DNAH7: variants seen among roughly 807,000 people sequenced by gnomAD.
DNAH7 encodes the protein axonemal beta dynein heavy chain 7.
DNAH7 carries 397 observed loss-of-function variants against 444.6 expected under a neutral mutation model. The ratio of observed to expected loss-of-function variants is 0.89; its 90% CI spans 0.82 to 0.97. DNAH7 has a LOEUF of 0.97. Among genes scored for constraint, DNAH7 ranks in the 50% least tolerant of loss-of-function variants. The pLI is 0.00. For synonymous variants in DNAH7, 1,636 were observed against 1,624.4 expected, an observed-to-expected ratio of 1.01 and a Z score of -0.17; for missense variants, 4,902 against 4,800.8, an observed-to-expected ratio of 1.02 and a Z score of -0.62.
At chr2:195,989,205 A>G (rs1318535942) in intron 12 of DNAH7, among the ~76,000 whole-genome samples, 2 of 152,206 alleles carry the variant, frequency 1.3e-5, no homozygotes, top group African/African-American at 2.4e-5. Flanking sequence ...TATATACCCA[A>G]TAGTGGGATT....
chr2:195,782,599 C>CA (rs374269351), intron 58 of DNAH7, among the ~76,000 whole-genome samples: 2,090 of 151,028 alleles, frequency 0.014, 45 homozygotes, highest in African/African-American at 0.047. Flanking sequence ...CATTTTTTTC[C>CA]AAAAAAAATC....
rs1469852055 is a variant in DNAH7, at chr2:195,957,954, A to T, written c.2892-507T>A. Reference sequence around the variant, plus strand: ...AAGGGTACTCTGAGCTTCTGAGGAAAGATAGTTACATCCAATACTCTTTTC... The same window carrying T: ...AAGGGTACTCTGAGCTTCTGAGGAATGATAGTTACATCCAATACTCTTTTC... On this transcript the variant is annotated intron_variant, in intron 18 of 64. Coordinates refer to ENST00000312428, the MANE Select transcript of DNAH7 (RefSeq NM_018897.3). 4.6e-5 allele frequency among the ~76,000 whole-genome samples: 7 copies of T among 152,280 alleles called. No individual in the cohort carries two copies. In the East Asian group the frequency reaches 1.4e-3, roughly 29 times the overall value.
chr2:195,797,580 G>A (rs548757474), intron 55 of DNAH7, among the ~76,000 whole-genome samples: 9 of 152,310 alleles, frequency 5.9e-5, no homozygotes, highest in Non-Finnish European at 8.8e-5. Context: ...TCAAGCTTGT[G>A]TTGACTAGGA....
In DNAH7 at chr2:195,873,634, T is replaced by A; in HGVS notation, c.6347A>T (p.Asn2116Ile). ...ATACATGGATTTATCACTAAACTCATTGATTGTTATAATATTGAAATGTCG... is the reference window on the plus strand; with the variant it reads ...ATACATGGATTTATCACTAAACTCAATGATTGTTATAATATTGAAATGTCG... ...YMRHFNIITI[N>I]EFSDKSMYTI... is the part of the protein sequence containing the mutation. Residue 2116 changes from asparagine to isoleucine, a missense_variant, in exon 39 of 65, where the codon AAT (asparagine) becomes ATT (isoleucine). Physicochemically the swap from Asn to Ile is moderately radical, Grantham distance 149. Transcript: ENST00000312428. The A allele has an allele frequency of 2.0e-6, 3 of 1,531,422 alleles. No homozygotes were observed. The highest frequency in any genetic ancestry group is 2.6e-6 in the Non-Finnish European group (3 of 1,142,224). The allele number at this position is 1,531,422 out of a possible 1,614,324, so 94.9% of individuals were successfully genotyped here. A position where few individuals can be genotyped will look rare whatever the true frequency, so the allele number is the denominator to read the frequency against.
chr2:196,013,113 C>CATAA (rs1694816395), intron 9 of DNAH7, among the ~76,000 whole-genome samples: 1 of 151,982 alleles, frequency 6.6e-6, no homozygotes. Flanking sequence ...CAACAAAATA[C>CATAA]ATAACTTCAC....
rs1198483864 is a variant in DNAH7, at chr2:195,864,801, T to G, written c.6854A>C (p.Glu2285Ala). 6 of 1,614,140 alleles carry G rather than the reference T, an allele frequency of 3.7e-6. No homozygotes were observed. Among genetic ancestry groups the G allele is most frequent in the Non-Finnish European group, 5.1e-6 (6 of 1,180,052 alleles). Residue 2285 changes from glutamate (E) to alanine (A), a missense_variant, in exon 41 of 65, where the codon GAA becomes GCA. Physicochemically the swap from Glu to Ala is moderately radical, Grantham distance 107. Transcript: ENST00000312428. The part of the protein sequence containing the change: ...DPKREDTNYR[E>A]IADVDNLRMI... Reference sequence around the variant, plus strand: ...TCGAAGATTATCCACATCTGCGATTTCTCTGTAGTTGGTATCCTCCCTCTT... The same window carrying G: ...TCGAAGATTATCCACATCTGCGATTGCTCTGTAGTTGGTATCCTCCCTCTT...
intron 21 of DNAH7, among the ~76,000 whole-genome samples, chr2:195,933,412 G>C (rs1421340093): frequency 6.6e-6 from 1 of 152,092 alleles, no homozygotes; most frequent in Non-Finnish European, 1.5e-5. Context: ...TATACCTAAA[G>C]GATTATAAAT....
chr2:196,028,147 T>A, intron 5 of DNAH7, 100 bp from the exon 6 acceptor site: 1 of 924,074 alleles, frequency 1.1e-6, no homozygotes, highest in Admixed American at 2.5e-5. Flanking sequence ...TATTAAATCA[T>A]AAGGAAAAAT....
chr2:195,988,458 G>A (rs959485226), intron 12 of DNAH7, among the ~76,000 whole-genome samples: 9 of 151,872 alleles, frequency 5.9e-5, no homozygotes, highest in African/African-American at 1.4e-4. Context: ...GTTGTGTTTC[G>A]TTTTTCTGTA....
Position 195,824,404 on chromosome 2 carries a change from C to A in DNAH7, c.9142G>T (p.Glu3048Ter). 1 of 1,610,974 alleles carries A rather than the reference C, an allele frequency of 6.2e-7. No homozygotes were observed. Among genetic ancestry groups the A allele is most frequent in the Non-Finnish European group, 8.5e-7 (1 of 1,178,340 alleles). Residue 3048 changes from glutamate to a stop codon, truncating the protein, a stop_gained, in exon 49 of 65, where the codon GAA (glutamate) becomes TAA (stop). Transcript: ENST00000312428. LOFTEE classifies it high-confidence loss of function. ...AAGGTTTGTTTTAGTAGAAGAGGTTCCAAAATAGGATCTAGTTCTTCGCCA... is the reference window on the plus strand; with the variant it reads ...AAGGTTTGTTTTAGTAGAAGAGGTTACAAAATAGGATCTAGTTCTTCGCCA... ...NVGEELDPIL[E>*]PLLLKQTFKQ...
At chr2:196,021,901 TGGATCACTTGA>T (rs1695405082) in intron 8 of DNAH7, among the ~76,000 whole-genome samples, 1 of 151,934 alleles carries the variant, frequency 6.6e-6, no homozygotes. Context: ...CTGAGGCAGG[TGGATCACTTGA>T]GGTCAAGAGT....
intron 58 of DNAH7, among the ~76,000 whole-genome samples, chr2:195,785,869 G>A (rs1254998493): frequency 6.6e-6 from 1 of 152,046 alleles, no homozygotes; most frequent in African/African-American, 2.4e-5. Flanking sequence ...TTTGAAAAGT[G>A]TAATTATAGC....
chr2:195,913,691 T>C (rs192755558), intron 24 of DNAH7, among the ~76,000 whole-genome samples: 1 of 150,398 alleles, frequency 6.6e-6, no homozygotes, highest in East Asian at 1.9e-4. Context: ...AAGATCTCCA[T>C]CCACATGTTT....
chr2:195,863,498 T>TC (rs1052331974), intron 41 of DNAH7, among the ~76,000 whole-genome samples: 1 of 152,312 alleles, frequency 6.6e-6, no homozygotes, highest in Admixed American at 6.5e-5. Flanking sequence ...GCTGCCTTTT[T>TC]CTGCTCTGCT....
chr2:195,917,168 A>C (rs1330409214), intron 24 of DNAH7, among the ~76,000 whole-genome samples: 1 of 151,094 alleles, frequency 6.6e-6, no homozygotes, highest in East Asian at 1.9e-4. Flanking sequence ...GTGAGATTCC[A>C]TCTCAAAAAA....
intron 21 of DNAH7, 121 bp downstream of exon 21, chr2:195,934,470 T>G (rs558822526): frequency 9.3e-7 from 1 of 1,070,606 alleles, no homozygotes; most frequent in East Asian, 2.4e-5. Context: ...CTATCACATT[T>G]GAATTGGTAA....
At chr2:195,882,227 C>T (rs750117447) in intron 35 of DNAH7, among the ~76,000 whole-genome samples, 3 of 152,194 alleles carry the variant, frequency 2.0e-5, no homozygotes, top group Non-Finnish European at 4.4e-5. Context: ...TTTTGATGCT[C>T]TGAAATCACT....
intron 63 of DNAH7, among the ~76,000 whole-genome samples, chr2:195,750,471 T>C (rs1417697631): frequency 1.3e-5 from 2 of 152,148 alleles, no homozygotes; most frequent in Non-Finnish European, 2.9e-5. Flanking sequence ...CAAAAAGAAC[T>C]AGAAAAAAAT....
chr2:195,966,719 G>A (rs143668978), intron 17 of DNAH7, among the ~76,000 whole-genome samples: 3,146 of 152,148 alleles, frequency 0.021, 65 homozygotes, highest in Non-Finnish European at 0.03. Context: ...TCTTCTCACA[G>A]TTTTTGTCTT....
Sources: gnomAD v4.1 joint callset for allele counts (sites outside exome capture counted in the v4.1 genomes callset) on GRCh38, gnomAD v4.1.1 for gene constraint, MANE v1.5 for transcripts, NCBI Gene and HGNC (gene_info 2026-07-23, HGNC 2026-07-21) for gene names.